Variants in GRM5 observed in about 807,000 individuals in gnomAD.
The protein encoded by GRM5 is metabotropic glutamate receptor 5.
In GRM5, 19 loss-of-function variants were observed where a neutral mutation model predicts 83.1. The ratio of observed to expected loss-of-function variants is 0.23; its 90% CI spans 0.16 to 0.34. The LOEUF (loss-of-function observed/expected upper bound fraction) is 0.34, where lower values mean the gene tolerates loss of function less well. Among genes scored for constraint, GRM5 ranks in the 10% least tolerant of loss-of-function variants. The probability of loss-of-function intolerance (pLI) is 1.00; values close to 1 mark genes in which losing one functional copy is unlikely to be tolerated. For missense variants in GRM5, 1,160 were observed against 1,588.3 expected (o/e 0.73, Z 4.58); for synonymous variants, 675 against 633.6 (o/e 1.07, Z -0.98).
rs1254146666 is a variant in GRM5, at chr11:89,065,954, G to C, written c.-379C>G. 2 of 152,014 alleles carry C rather than the reference G, an allele frequency of 1.3e-5. No homozygotes were observed. The highest frequency in any genetic ancestry group is 2.9e-5 in the Non-Finnish European group (2 of 68,008). The allele number at this position is 152,014 out of a possible 1,614,324, so 9.4% of individuals were successfully genotyped here. On this transcript the variant is annotated 5_prime_UTR_variant, in exon 1 of 10. Transcript: ENST00000305447. ...GCGCTCGCTCTCTCGCGCCAGCGCC[G>C]GGAGCACGTGCCGCGCTCGGGCAGA...
At chr11:88,844,276 G>GA (rs1353566010) in intron 3 of GRM5, among the ~76,000 whole-genome samples, 1 of 151,080 alleles carries the variant, frequency 6.6e-6, no homozygotes, top group Non-Finnish European at 1.5e-5. Flanking sequence ...TTCCAAAAAT[G>GA]AAAAAAACAA....
At chr11:89,064,888 C>CTGTG (rs71464050) in intron 1 of GRM5, among the ~76,000 whole-genome samples, 5 of 62,266 alleles carry the variant, frequency 8.0e-5, no homozygotes, top group African/African-American at 2.1e-4. Flanking sequence ...CTCTCTCTCT[C>CTGTG]TGTGTGTGTG....
intron 3 of GRM5, among the ~76,000 whole-genome samples, chr11:88,684,767 A>T (rs1450347484): frequency 2.0e-5 from 3 of 152,078 alleles, no homozygotes; most frequent in East Asian, 3.9e-4. Flanking sequence ...GTCTCACAAG[A>T]TCTGATGGTT....
intron 2 of GRM5, among the ~76,000 whole-genome samples, chr11:88,863,783 GAC>G (rs1473771667): frequency 3.3e-5 from 5 of 151,884 alleles, no homozygotes; most frequent in African/African-American, 1.2e-4. Context: ...TTTAACAAGA[GAC>G]ACTTAAAAAT....
Position 89,047,964 on chromosome 11 carries a change from AG to A in GRM5, c.-93del, listed in dbSNP as rs1353395001. 7.8e-6 allele frequency: 7 copies of A among 897,598 alleles called. No homozygotes were observed. The Admixed American group carries it at 1.6e-4, about 21-fold the overall frequency. The allele number at this position is 897,598 out of a possible 1,614,324, so 55.6% of individuals were successfully genotyped here. A position where few individuals can be genotyped will look rare whatever the true frequency, so the allele number is the denominator to read the frequency against. ...TACGAACAAGCGATGTCCTACGTTG[AG>A]TCGCAAATCAAGAAATTAGCCAGCA... is the stretch of plus-strand genomic sequence containing the variant. On this transcript the variant is annotated 5_prime_UTR_variant, in exon 2 of 10. Transcript: ENST00000305447. The surrounding 1 kb of genome is among the most constrained non-coding windows in gnomAD (Gnocchi z 5.1).
At chr11:88,879,551 A>C (rs931053434) in intron 2 of GRM5, among the ~76,000 whole-genome samples, 6 of 152,034 alleles carry the variant, frequency 3.9e-5, no homozygotes, top group Admixed American at 1.3e-4. Flanking sequence ...ACACACATTA[A>C]AAAAGCTGGT....
At chr11:88,941,830 T>C (rs1233790262) in intron 2 of GRM5, among the ~76,000 whole-genome samples, 2 of 152,026 alleles carry the variant, frequency 1.3e-5, no homozygotes, top group East Asian at 1.9e-4. Flanking sequence ...ACATCACCAA[T>C]AGCATATTCT....
At chr11:89,042,025 C>G (rs1041797723) in intron 2 of GRM5, among the ~76,000 whole-genome samples, 1 of 152,106 alleles carries the variant, frequency 6.6e-6, no homozygotes, top group Non-Finnish European at 1.5e-5. Flanking sequence ...GCAAATTGAT[C>G]ATGCTATTTC....
At chr11:88,707,586 G>A (rs956822647) in intron 3 of GRM5, among the ~76,000 whole-genome samples, 1 of 152,118 alleles carries the variant, frequency 6.6e-6, no homozygotes, top group Admixed American at 6.6e-5. Flanking sequence ...AGGAGGATGT[G>A]TGTAGGTTAT....
chr11:88,545,709 C>T (rs529025705), intron 8 of GRM5, among the ~76,000 whole-genome samples: 1 of 152,188 alleles, frequency 6.6e-6, no homozygotes, highest in African/African-American at 2.4e-5. Context: ...TTGAAACCAT[C>T]GTGATTTCTC....
intron 3 of GRM5, among the ~76,000 whole-genome samples, chr11:88,713,475 G>A (rs1031019900): frequency 3.9e-5 from 6 of 151,956 alleles, no homozygotes; most frequent in Non-Finnish European, 7.4e-5. Context: ...TAATGCTGAC[G>A]AGTTGTTTAT....
chr11:88,877,548 C>T (rs1413401424), intron 2 of GRM5, among the ~76,000 whole-genome samples: 4 of 151,938 alleles, frequency 2.6e-5, no homozygotes, highest in Non-Finnish European at 4.4e-5. Context: ...CCCAGTGGCT[C>T]ATGACTGTAA....
At chr11:88,964,594 A>G (rs1787318788) in intron 2 of GRM5, among the ~76,000 whole-genome samples, 1 of 152,116 alleles carries the variant, frequency 6.6e-6, no homozygotes, top group Non-Finnish European at 1.5e-5. Flanking sequence ...AAACATAGTA[A>G]TTTTCCAAAA....
intron 1 of GRM5, among the ~76,000 whole-genome samples, chr11:89,048,901 GA>G (rs1039375615): frequency 6.6e-6 from 1 of 152,152 alleles, no homozygotes; most frequent in Non-Finnish European, 1.5e-5. Context: ...TTGCTCACCT[GA>G]AAAATGGGGA....
chr11:88,874,102 A>G (rs1323587558), intron 2 of GRM5, among the ~76,000 whole-genome samples: 1 of 151,784 alleles, frequency 6.6e-6, no homozygotes, highest in Admixed American at 6.6e-5. Context: ...TCAACACTGG[A>G]TATATTCACT....
At chr11:88,854,773 G>C (rs1278782036) in intron 2 of GRM5, among the ~76,000 whole-genome samples, 1 of 151,586 alleles carries the variant, frequency 6.6e-6, no homozygotes, top group Admixed American at 6.6e-5. Context: ...GAACACCCTG[G>C]ATATAAAATA....
intron 2 of GRM5, among the ~76,000 whole-genome samples, chr11:88,897,461 C>A (rs1349050857): frequency 2.0e-5 from 3 of 151,888 alleles, no homozygotes; most frequent in Non-Finnish European, 4.4e-5. Context: ...TGGGCAACTA[C>A]TCTTAATCAG....
intron 7 of GRM5, among the ~76,000 whole-genome samples, chr11:88,576,306 G>T (rs1943109012): frequency 6.6e-6 from 1 of 152,072 alleles, no homozygotes; most frequent in Non-Finnish European, 1.5e-5. Context: ...GGCTCCCTGG[G>T]CCTGTACCCG....
At chr11:88,922,247 T>C (rs1185186818) in intron 2 of GRM5, among the ~76,000 whole-genome samples, 3 of 152,166 alleles carry the variant, frequency 2.0e-5, no homozygotes, top group Non-Finnish European at 4.4e-5. Context: ...AAAATTTATG[T>C]GGAACCACAA....
Sources: gnomAD v4.1 joint callset for allele counts (sites outside exome capture counted in the v4.1 genomes callset) on GRCh38, gnomAD v4.1.1 for gene constraint, Gnocchi (gnomAD v3.1) non-coding constraint, MANE v1.5 for transcripts, NCBI Gene and HGNC (gene_info 2026-07-23, HGNC 2026-07-21) for gene names.